F13A1: variants seen among roughly 807,000 people sequenced by gnomAD.
F13A1 encodes coagulation factor XIII A chain, also known as FSF, A subunit.
A neutral mutation model predicts 80.1 loss-of-function variants in F13A1; 47 were observed. That is an observed-to-expected ratio of 0.59 (90% CI 0.46 to 0.75). F13A1 has a LOEUF of 0.75. F13A1 is among the 30% of genes least tolerant of loss of function. The pLI is 0.00. For missense variants in F13A1, 817 were observed against 930.4 expected (o/e 0.88, Z 1.59); for synonymous variants, 349 against 344.9 (o/e 1.01, Z -0.13).
Position 6,153,162 on chromosome 6 carries a change from G to A in F13A1, c.1909-1213C>T, listed in dbSNP as rs562562052. Among the ~76,000 whole-genome samples, 55 of 152,304 alleles carry A rather than the reference G, an allele frequency of 3.6e-4. 1 individual carries two copies. The highest frequency in any genetic ancestry group is 6.8e-3 in the Middle Eastern group (2 of 294). ...AATGGCTCAAAAATGGAATTTACTG[G>A]ATGTCTGGATCTTCCAGATGACAAC... On this transcript the variant is annotated intron_variant, in intron 13 of 14. Coordinates refer to ENST00000264870, the MANE Select transcript of F13A1 (RefSeq NM_000129.4).
At chr6:6,184,157 C>A (rs970013768) in intron 10 of F13A1, among the ~76,000 whole-genome samples, 3 of 152,198 alleles carry the variant, frequency 2.0e-5, no homozygotes, top group African/African-American at 7.2e-5. Context: ...TAGTTTGAAC[C>A]TCACAACAAC....
chr6:6,294,851 G>T (rs1440343043), intron 3 of F13A1, among the ~76,000 whole-genome samples: 3 of 149,414 alleles, frequency 2.0e-5, no homozygotes, highest in Non-Finnish European at 3.0e-5. Context: ...CCACTAACTC[G>T]TCATCCAGCA....
Position 6,205,706 on chromosome 6 carries a change from G to A in F13A1, c.1113-8380C>T, listed in dbSNP as rs552430387. ...TCATTTTTCCCCATGGTGTGATTAC[G>A]TGTTTTATTATTTTTTTTTTAGTGT... On this transcript the variant is annotated intron_variant, in intron 8 of 14. Coordinates refer to ENST00000264870, the MANE Select transcript of F13A1 (RefSeq NM_000129.4). Among the ~76,000 whole-genome samples the A allele has an allele frequency of 1.6e-4, 25 of 151,772 alleles. No individual in the cohort carries two copies. The South Asian group carries it at 4.2e-3, about 25-fold the overall frequency.
At chr6:6,159,421 G>A (rs1343474886) in intron 13 of F13A1, among the ~76,000 whole-genome samples, 2 of 152,184 alleles carry the variant, frequency 1.3e-5, no homozygotes, top group African/African-American at 4.8e-5. Context: ...ACATTAGGAT[G>A]GTTGTTAAGA....
At chr6:6,242,101 T>C (rs370622930) in intron 6 of F13A1, among the ~76,000 whole-genome samples, 3 of 152,312 alleles carry the variant, frequency 2.0e-5, no homozygotes, top group South Asian at 2.1e-4. Context: ...GAGGAAAAGA[T>C]GGACAAAGGG....
intron 14 of F13A1, among the ~76,000 whole-genome samples, chr6:6,149,134 T>G (rs2151067598): frequency 6.6e-6 from 1 of 152,298 alleles, no homozygotes; most frequent in Non-Finnish European, 1.5e-5. Flanking sequence ...GAATAAGTTC[T>G]GGTGTTCTAT....
At chr6:6,315,579 A>G (rs918785893) in intron 2 of F13A1, among the ~76,000 whole-genome samples, 3 of 152,244 alleles carry the variant, frequency 2.0e-5, no homozygotes, top group African/African-American at 7.2e-5. Flanking sequence ...ATATACACTC[A>G]GTATACCTTA....
chr6:6,273,312 G>C (rs1395785680), intron 3 of F13A1, among the ~76,000 whole-genome samples: 1 of 152,188 alleles, frequency 6.6e-6, no homozygotes, highest in African/African-American at 2.4e-5. Context: ...ATGTCAGTGA[G>C]GCTGAACTGA....
intron 2 of F13A1, among the ~76,000 whole-genome samples, chr6:6,307,334 G>T (rs1002332820): frequency 6.6e-6 from 1 of 152,164 alleles, no homozygotes; most frequent in African/African-American, 2.4e-5. Flanking sequence ...CCCCTGAAGG[G>T]CACTTTCTTT....
At chr6:6,204,886 C>CGTCAT (rs565823524) in intron 8 of F13A1, among the ~76,000 whole-genome samples, 71 of 152,274 alleles carry the variant, frequency 4.7e-4, no homozygotes, top group African/African-American at 1.6e-3. Context: ...TGTTAACTGG[C>CGTCAT]GTCATGTCAA....
chr6:6,191,567 G>T (rs767799896), intron 10 of F13A1, among the ~76,000 whole-genome samples: 7 of 152,124 alleles, frequency 4.6e-5, no homozygotes, highest in Non-Finnish European at 1.0e-4. Context: ...CAGGCTTGGG[G>T]GCTGCTCTCT....
intron 8 of F13A1, among the ~76,000 whole-genome samples, chr6:6,201,798 T>C (rs2151084013): frequency 6.6e-6 from 1 of 152,248 alleles, no homozygotes; most frequent in East Asian, 1.9e-4. Context: ...CCTGCCCCAG[T>C]CTTTTAAAGT....
intron 6 of F13A1, among the ~76,000 whole-genome samples, chr6:6,225,500 T>C (rs552341700): frequency 6.8e-6 from 1 of 146,042 alleles, no homozygotes; most frequent in East Asian, 1.9e-4. Context: ...TTCTTTTCTT[T>C]TCTCTCTCTC....
chr6:6,282,443 T>G (rs1758079691), intron 3 of F13A1, among the ~76,000 whole-genome samples: 1 of 152,220 alleles, frequency 6.6e-6, no homozygotes, highest in South Asian at 2.1e-4. Context: ...ATCCAGGTAT[T>G]AATCAATCAT....
chr6:6,257,109 G>A (rs1322352737), intron 4 of F13A1, among the ~76,000 whole-genome samples: 2 of 152,172 alleles, frequency 1.3e-5, no homozygotes, highest in Non-Finnish European at 2.9e-5. Flanking sequence ...TATAAAAGCT[G>A]AGCACCACTA....
chr6:6,233,427 A>G (rs1757377010), intron 6 of F13A1, among the ~76,000 whole-genome samples: 1 of 152,298 alleles, frequency 6.6e-6, no homozygotes, highest in South Asian at 2.1e-4. Flanking sequence ...ACAGACCAAT[A>G]ACAAGCAGTG....
chr6:6,291,102 C>T (rs1413280497), intron 3 of F13A1, among the ~76,000 whole-genome samples: 1 of 152,178 alleles, frequency 6.6e-6, no homozygotes, highest in Non-Finnish European at 1.5e-5. Context: ...ATAGCACCTG[C>T]TCACCACCTA....
chr6:6,160,796 G>C (rs891096110), intron 13 of F13A1, among the ~76,000 whole-genome samples: 8 of 150,926 alleles, frequency 5.3e-5, no homozygotes, highest in African/African-American at 1.9e-4. Flanking sequence ...AATAAATACA[G>C]AGCAAACGCT....
In F13A1 at chr6:6,250,412, A is replaced by T. The variant is rs1757614128; in HGVS notation, c.690+399T>A. Among the ~76,000 whole-genome samples, 1 of 64,032 alleles carries T rather than the reference A, an allele frequency of 1.6e-5. No individual in the cohort carries two copies. The highest frequency in any genetic ancestry group is 3.6e-4 in the South Asian group (1 of 2,814). 42.0% of individuals were successfully genotyped at this position (64,032 alleles called of 152,430 possible). ...TTAGCAGTACCCTAGGCTAACACTTAAAAAAAAAAAAAAAGAAGCTATTTC... is the reference window on the plus strand; with the variant it reads ...TTAGCAGTACCCTAGGCTAACACTTTAAAAAAAAAAAAAAGAAGCTATTTC... On this transcript the variant is annotated intron_variant, in intron 5 of 14. Coordinates refer to ENST00000264870, the MANE Select transcript of F13A1 (RefSeq NM_000129.4). This position sits in a 1 kb window ranked among gnomAD's most constrained non-coding sequence, Gnocchi z 4.2.
Sources: gnomAD v4.1 joint callset for allele counts (sites outside exome capture counted in the v4.1 genomes callset) on GRCh38, gnomAD v4.1.1 for gene constraint, Gnocchi (gnomAD v3.1) non-coding constraint, MANE v1.5 for transcripts, NCBI Gene and HGNC (gene_info 2026-07-23, HGNC 2026-07-21) for gene names.